Variants in PCSK5 observed in about 807,000 individuals in gnomAD.
PCSK5 encodes proprotein convertase subtilisin/kexin type 5, also known as prohormone convertase 5.
A neutral mutation model predicts 233.2 loss-of-function variants in PCSK5; 129 were observed. The observed-to-expected ratio is 0.55, with a 90% confidence interval of 0.48 to 0.64. The LOEUF (loss-of-function observed/expected upper bound fraction) is 0.64. PCSK5 is among the 30% of genes least tolerant of loss of function. PCSK5 has a pLI of 0.00. For missense variants in PCSK5, 2,076 were observed against 2,430.1 expected (o/e 0.85, Z 3.06); for synonymous variants, 825 against 879.2 (o/e 0.94, Z 1.09).
In PCSK5 at chr9:76,046,160, G is replaced by GTTTTTTTTT. The variant is rs71372041; in HGVS notation, c.632+19150_632+19158dup. Among the ~76,000 whole-genome samples, 182 of 58,034 alleles carry GTTTTTTTTT rather than the reference G, an allele frequency of 3.1e-3. 42 individuals are homozygous for GTTTTTTTTT. The highest frequency in any genetic ancestry group is 3.7e-3 in the Non-Finnish European group (118 of 31,966). 38.1% of individuals were successfully genotyped at this position (58,034 alleles called of 152,430 possible). A position where few individuals can be genotyped will look rare whatever the true frequency, so the allele number is the denominator to read the frequency against. On this transcript the variant is annotated intron_variant, in intron 5 of 37. Transcript: ENST00000674117. ...GCATTAACACATAATTTTTTCTTTTGTTTTTTTTTTTTTTTTTTTTTTTTT... is the reference window on the plus strand; with the variant it reads ...GCATTAACACATAATTTTTTCTTTTGTTTTTTTTTTTTTTTTTTTTTTTTTTTTTTTTTT...
At chr9:76,329,859 T>G (rs558553390) in intron 33 of PCSK5, among the ~76,000 whole-genome samples, 16 of 152,014 alleles carry the variant, frequency 1.1e-4, no homozygotes, top group African/African-American at 3.9e-4. Flanking sequence ...AAAGGAAAAA[T>G]ACAGTCTTCA....
intron 28 of PCSK5, 28 bp downstream of exon 28, chr9:76,302,245 CA>C (rs750048686): frequency 9.3e-7 from 1 of 1,080,992 alleles, no homozygotes; most frequent in South Asian, 1.3e-5. Flanking sequence ...AGGCAACAAT[CA>C]CAGCAGCAGA....
chr9:76,194,153 C>G (rs754808346), intron 20 of PCSK5: 1 of 152,372 alleles, frequency 6.6e-6, no homozygotes, highest in Non-Finnish European at 1.5e-5. Flanking sequence ...CATAGATGAG[C>G]TGAGGCTGAT....
intron 30 of PCSK5, 89 bp downstream of exon 30, chr9:76,310,940 CT>C (rs1828849029): frequency 4.6e-6 from 4 of 870,544 alleles, no homozygotes; most frequent in Non-Finnish European, 6.8e-6. Context: ...CCAAAAAACT[CT>C]TCTCTGCTCT....
At chr9:75,901,180 AT>A (rs1826015777) in intron 1 of PCSK5, among the ~76,000 whole-genome samples, 1 of 152,200 alleles carries the variant, frequency 6.6e-6, no homozygotes, top group African/African-American at 2.4e-5. Flanking sequence ...ACGTATGTTT[AT>A]TGCAGCACTA....
chr9:76,252,300 T>C (rs1403328532), intron 24 of PCSK5, among the ~76,000 whole-genome samples: 1 of 152,056 alleles, frequency 6.6e-6, no homozygotes, highest in East Asian at 1.9e-4. Context: ...ATAATAAAAA[T>C]AAGATAAAGA....
chr9:76,040,006 T>C (rs1462643648), intron 5 of PCSK5, among the ~76,000 whole-genome samples: 1 of 152,200 alleles, frequency 6.6e-6, no homozygotes, highest in Admixed American at 6.5e-5. Flanking sequence ...TAATAATTTA[T>C]CTAGAGTTTT....
In PCSK5 at chr9:76,027,046, C is replaced by T. The variant is rs779194582; in HGVS notation, c.632+9C>T. 6.3e-7 allele frequency: 1 copy of T among 1,588,592 alleles called. No homozygotes were observed. The highest frequency in any genetic ancestry group is 1.1e-5 in the South Asian group (1 of 88,960). On this transcript the variant is annotated intron_variant, in intron 5 of 37. Coordinates refer to ENST00000674117, the MANE Select transcript of PCSK5 (RefSeq NM_001372043.1). ...GCAAGCAACGAGAACAAGTAAGGCC[C>T]AAGTGAGGGGTGGCTGGCATGTGGC...
At chr9:76,066,232 A>C (rs1830282865) in intron 5 of PCSK5, among the ~76,000 whole-genome samples, 2 of 152,178 alleles carry the variant, frequency 1.3e-5, no homozygotes. Flanking sequence ...TAGTATGAAC[A>C]TTTTAGCAAT....
intron 20 of PCSK5, among the ~76,000 whole-genome samples, chr9:76,201,904 G>A (rs1214895823): frequency 6.6e-6 from 1 of 152,152 alleles, no homozygotes; most frequent in African/African-American, 2.4e-5. Flanking sequence ...AGAAACATTA[G>A]CATGCTGAAA....
chr9:76,280,735 C>T (rs1827838050), intron 24 of PCSK5, among the ~76,000 whole-genome samples: 1 of 151,494 alleles, frequency 6.6e-6, no homozygotes, highest in Admixed American at 6.6e-5. Flanking sequence ...GACTCTGTCT[C>T]AAAAAAACAA....
intron 24 of PCSK5, among the ~76,000 whole-genome samples, chr9:76,290,259 C>T (rs1478808710): frequency 6.6e-6 from 1 of 152,214 alleles, no homozygotes; most frequent in African/African-American, 2.4e-5. Context: ...TCTGCTGGCC[C>T]TTACAATGGG....
rs572467988 is a variant in PCSK5 at position 76,307,777 on chromosome 9, A to G, written c.3605-868A>G. Among the ~76,000 whole-genome samples the G allele has an allele frequency of 4.4e-4, 67 of 152,292 alleles. 1 individual carries two copies. In the South Asian group the frequency reaches 0.013, roughly 31 times the overall value. ...TAGCACAGTAGCTACTCTAAAGAAC[A>G]CAGTGACCCAAACATTGACCAATAA... On this transcript the variant is annotated intron_variant, in intron 28 of 37. Coordinates refer to ENST00000674117, the MANE Select transcript of PCSK5 (RefSeq NM_001372043.1).
At chr9:76,351,628 AAG>A (rs1236227372) in intron 36 of PCSK5, among the ~76,000 whole-genome samples, 5 of 146,502 alleles carry the variant, frequency 3.4e-5, no homozygotes, top group East Asian at 4.4e-4. Context: ...AAGAGAAAGA[AAG>A]AGAGAGAAAG....
At chr9:76,230,160 TG>T (rs1564122839) in intron 21 of PCSK5, among the ~76,000 whole-genome samples, 1 of 152,160 alleles carries the variant, frequency 6.6e-6, no homozygotes, top group Non-Finnish European at 1.5e-5. Flanking sequence ...AGCAATATTT[TG>T]GGGGGAGGTT....
chr9:76,227,140 G>A (rs1465813209), intron 20 of PCSK5, among the ~76,000 whole-genome samples: 3 of 152,134 alleles, frequency 2.0e-5, no homozygotes, highest in Non-Finnish European at 4.4e-5. Flanking sequence ...ACGGCCCTCT[G>A]TGGACCAGGA....
At chr9:75,995,543 C>A (rs1169948005) in intron 3 of PCSK5, among the ~76,000 whole-genome samples, 2 of 152,186 alleles carry the variant, frequency 1.3e-5, no homozygotes, top group East Asian at 3.9e-4. Flanking sequence ...TCTGGGAGTG[C>A]TTTTTCTGAT....
chr9:76,175,107 C>T lies in PCSK5; in HGVS notation c.1878C>T (p.Asp626=). The T allele has an allele frequency of 6.2e-7, 1 of 1,614,052 alleles. No homozygotes were observed. ...GCCGAGTTGAAGACCCCACAGACGACTATGGCACAGAGGATTATGCAGGTG... is the reference window on the plus strand; with the variant it reads ...GCCGAGTTGAAGACCCCACAGACGATTATGGCACAGAGGATTATGCAGGTG... ...RYSRVEDPTD[D]YGTEDYAGPC... The change falls in exon 14 of 38, where the codon GAC becomes GAT. Residue 626 remains aspartate (D), a synonymous_variant. Transcript: ENST00000674117.
chr9:76,184,698 T>C lies in PCSK5; in HGVS notation c.2223T>C (p.Ser741=). 1 of 1,611,404 alleles carries C rather than the reference T, an allele frequency of 6.2e-7. No individual in the cohort carries two copies. The change falls in exon 17 of 38, where the codon AGT becomes AGC. Residue 741 remains serine, a synonymous_variant. Transcript: ENST00000674117. ...AGAAAAATCTTTGCCGGAAATGCAGTGAAAACTGCAAGACATGTACTGAAT... is the reference window on the plus strand; with the variant it reads ...AGAAAAATCTTTGCCGGAAATGCAGCGAAAACTGCAAGACATGTACTGAAT... ...DTKKNLCRKC[S]ENCKTCTEFH...
Sources: gnomAD v4.1 joint callset for allele counts (sites outside exome capture counted in the v4.1 genomes callset) on GRCh38, gnomAD v4.1.1 for gene constraint, MANE v1.5 for transcripts, NCBI Gene and HGNC (gene_info 2026-07-23, HGNC 2026-07-21) for gene names.